Variants in MT1B observed in about 807,000 individuals in gnomAD.
MT1B encodes the protein metallothionein-1B.
A neutral mutation model predicts 7.9 loss-of-function variants in MT1B; 4 were observed. That is an observed-to-expected ratio of 0.51 (90% confidence interval 0.25 to 1.16). MT1B has a LOEUF of 1.16. MT1B is among the 50% of genes most tolerant of loss of function. MT1B has a pLI of 0.15. For synonymous variants in MT1B, 22 were observed against 27.6 expected (o/e 0.80, Z 0.63); for missense variants, 76 against 75.2 (o/e 1.01, Z -0.04).
chr16:56,653,020 C>A lies in MT1B; in HGVS notation c.141C>A (p.Gly47=), dbSNP rs140865852. The A allele has an allele frequency of 6.8e-5, 110 of 1,613,746 alleles. No individual in the cohort carries two copies. In the African/African-American group the frequency reaches 1.1e-3, roughly 17 times the overall value. ...TGGGCTGTGCCAAGTGTGCCCAGGG[C>A]TGTGTCTGCAAAGGCTCATCAGAGA... ...CPVGCAKCAQ[G]CVCKGSSEKC... is the part of the protein sequence containing the mutation. Residue 47 remains glycine (G), a synonymous_variant, in exon 3 of 3, where the codon GGC becomes GGA. Transcript: ENST00000334346.
At chr16:56,652,421 G>A in intron 1 of MT1B, 150 bp from the exon 2 acceptor site, 1 of 786,532 alleles carries the variant, frequency 1.3e-6, no homozygotes, top group Non-Finnish European at 2.2e-6. Flanking sequence ...GAGTGGAGAG[G>A]ACATGGGGCT....
Position 56,652,610 on chromosome 16 carries a change from A to G in MT1B, c.68A>G (p.Glu23Gly). ...TGCGCCGGCTCCTGCAAGTGCAAAG[A>G]GTGCAAATGTACCTCCTGCAAGAAG... ...CACAGSCKCK[E>G]CKCTSCKKCC... is the part of the protein sequence containing the mutation. Residue 23 changes from glutamate (E) to glycine (G), a missense_variant, in exon 2 of 3, where the codon GAG (glutamate) becomes GGG (glycine). Coordinates refer to ENST00000334346, the MANE Select transcript of MT1B (RefSeq NM_005947.3). The G allele has an allele frequency of 1.2e-6, 2 of 1,614,040 alleles. No homozygotes were observed. Among genetic ancestry groups the G allele is most frequent in the Non-Finnish European group, 8.5e-7 (1 of 1,179,932 alleles).
rs370531355 is a variant in MT1B at position 56,652,974 on chromosome 16, G to T, written c.95G>T (p.Cys32Phe). The change falls in exon 3 of 3, where the codon TGC (cysteine) becomes TTC (phenylalanine). Residue 32 changes from cysteine (C) to phenylalanine (F), a missense_variant and splice_region_variant. Coordinates refer to ENST00000334346, the MANE Select transcript of MT1B (RefSeq NM_005947.3). ...CTCTCACTCTCCCCTTCTTCCCCAG[G>T]CTGCTGCTCTTGCTGCCCCGTGGGC... The part of the protein sequence containing the change: ...KECKCTSCKK[C>F]CCSCCPVGCA... 2.3e-4 allele frequency: 373 copies of T among 1,613,074 alleles called. 2 individuals carry two copies. In the East Asian group the frequency reaches 7.9e-3, roughly 34 times the overall value.
chr16:56,651,972 T>A lies in MT1B; in HGVS notation c.19T>A (p.Cys7Ser). 6.2e-7 allele frequency: 1 copy of A among 1,614,248 alleles called. No individual in the cohort carries two copies. Among genetic ancestry groups the A allele is most frequent in the Non-Finnish European group, 8.5e-7 (1 of 1,180,036 alleles). ...GCTCCAAATGGATCCCAACTGCTCC[T>A]GCACCACAGGTAAGGGACGCCTGGC... MDPNCS[C>S]TTGGSCACAG... is the part of the protein sequence containing the mutation. The change falls in exon 1 of 3, where the codon TGC becomes AGC. Residue 7 changes from cysteine (C) to serine (S), a missense_variant. Transcript: ENST00000334346.
Position 56,652,975 on chromosome 16 carries a change from C to G in MT1B, c.96C>G (p.Cys32Trp). 6.2e-7 allele frequency: 1 copy of G among 1,613,160 alleles called. No individual in the cohort carries two copies. The highest frequency in any genetic ancestry group is 8.5e-7 in the Non-Finnish European group (1 of 1,179,984). Residue 32 changes from cysteine to tryptophan, a missense_variant and splice_region_variant, in exon 3 of 3, where the codon TGC (cysteine) becomes TGG (tryptophan). By Grantham distance (215) the Cys-to-Trp change is radical (BLOSUM62 -2). Transcript: ENST00000334346. ...KECKCTSCKK[C>W]CCSCCPVGCA... ...TCTCACTCTCCCCTTCTTCCCCAGG[C>G]TGCTGCTCTTGCTGCCCCGTGGGCT...
chr16:56,652,940 A>C, intron 2 of MT1B, 34 bp from the exon 3 acceptor site: 1 of 1,606,442 alleles, frequency 6.2e-7, no homozygotes, highest in South Asian at 1.1e-5. Flanking sequence ...TGGTCAAGTC[A>C]GCTGTGACCT....
chr16:56,652,873 C>T (rs1446031499), intron 2 of MT1B, 101 bp from the exon 3 acceptor site: 10 of 1,372,300 alleles, frequency 7.3e-6, no homozygotes, highest in South Asian at 2.3e-5. Flanking sequence ...AAAAATGCAT[C>T]CTCTGGGTGT....
intron 2 of MT1B, 149 bp from the exon 3 acceptor site, chr16:56,652,825 A>T (rs1169280541): frequency 1.2e-5 from 14 of 1,160,446 alleles, no homozygotes; most frequent in Non-Finnish European, 1.8e-5. Flanking sequence ...TGGGACACAA[A>T]CCTCAAATGT....
chr16:56,652,430 C>A, intron 1 of MT1B, 141 bp from the exon 2 acceptor site: 1 of 828,502 alleles, frequency 1.2e-6, no homozygotes, highest in Non-Finnish European at 2.0e-6. Flanking sequence ...GGACATGGGG[C>A]TTCTGTTCCT....
At position 56,653,092 on chromosome 16, in the gene MT1B, T is replaced by C; in HGVS notation, c.*27T>C. 7.4e-6 allele frequency: 12 copies of C among 1,611,632 alleles called. No homozygotes were observed. The highest frequency in any genetic ancestry group is 1.0e-5 in the Non-Finnish European group (12 of 1,178,226). On this transcript the variant is annotated 3_prime_UTR_variant, in exon 3 of 3. Transcript: ENST00000334346. ...GTTGGGAGAGCCCTGCTCCCAGACA[T>C]AAATAGAGCAACCAGTACTAACCTG...
chr16:56,652,832 A>G, intron 2 of MT1B, 142 bp from the exon 3 acceptor site: 1 of 1,172,990 alleles, frequency 8.5e-7, no homozygotes, highest in Non-Finnish European at 1.3e-6. Flanking sequence ...CAAACCTCAA[A>G]TGTACCATCA....
In MT1B at chr16:56,651,915, A is replaced by G; in HGVS notation, c.-39A>G. On this transcript the variant is annotated 5_prime_UTR_variant, in exon 1 of 3. Transcript: ENST00000334346. ...CACCTTCCTCCTGCCCTGACTTCTC[A>G]TATCTTGCCTAGGAACTCCAGGCTT... 1.2e-6 allele frequency: 2 copies of G among 1,613,536 alleles called. No individual in the cohort carries two copies. Among genetic ancestry groups the G allele is most frequent in the East Asian group, 2.2e-5 (1 of 44,876 alleles).
In MT1B at chr16:56,653,024, G is replaced by A. The variant is rs767359592; in HGVS notation, c.145G>A (p.Val49Ile). The A allele has an allele frequency of 6.2e-7, 1 of 1,613,790 alleles. No individual in the cohort carries two copies. Among genetic ancestry groups the A allele is most frequent in the Admixed American group, 1.7e-5 (1 of 60,024 alleles). ...CTGTGCCAAGTGTGCCCAGGGCTGT[G>A]TCTGCAAAGGCTCATCAGAGAAGTG... is the stretch of plus-strand genomic sequence containing the variant. ...VGCAKCAQGC[V>I]CKGSSEKCRC... The change falls in exon 3 of 3, where the codon GTC (valine) becomes ATC (isoleucine). Residue 49 changes from valine to isoleucine, a missense_variant. Val to Ile is a conservative substitution (Grantham distance 29). Transcript: ENST00000334346.
Position 56,651,992 on chromosome 16 carries a change from C to A in MT1B, c.28+11C>A, listed in dbSNP as rs767107682. 2.5e-6 allele frequency: 4 copies of A among 1,614,244 alleles called. No individual in the cohort carries two copies. In the South Asian group the frequency reaches 4.4e-5, roughly 18 times the overall value. On this transcript the variant is annotated intron_variant, in intron 1 of 2. Transcript: ENST00000334346. ...GCTCCTGCACCACAGGTAAGGGACG[C>A]CTGGCTCTGGGCCTTGAGATGCCCA...
At chr16:56,652,503 C>T (rs1043688223) in intron 1 of MT1B, 68 bp from the exon 2 acceptor site, 1 of 1,470,210 alleles carries the variant, frequency 6.8e-7, no homozygotes, top group Non-Finnish European at 9.5e-7. Flanking sequence ...GCACTGGACA[C>T]TCATGGACTC....
chr16:56,652,091 T>A (rs1960561476), intron 1 of MT1B, 110 bp downstream of exon 1: 2 of 1,355,854 alleles, frequency 1.5e-6, no homozygotes, highest in South Asian at 2.4e-5. Flanking sequence ...AGGGAACTCG[T>A]TTACTTTTGC....
In MT1B at chr16:56,652,874, C is replaced by T. The variant is rs994874531; in HGVS notation, c.95-100C>T. ...AGCTGTGCCAGCCTAAAAATGCATC[C>T]TCTGGGTGTGGGGGCTGAACTTCAG... On this transcript the variant is annotated intron_variant, in intron 2 of 2. Coordinates refer to ENST00000334346, the MANE Select transcript of MT1B (RefSeq NM_005947.3). 2.1e-4 allele frequency: 295 copies of T among 1,380,766 alleles called. 3 individuals are homozygous for T. The highest frequency in any genetic ancestry group is 6.7e-5 in the Admixed American group (4 of 59,452). The allele number at this position is 1,380,766 out of a possible 1,614,324, so 85.5% of individuals were successfully genotyped here. A position where few individuals can be genotyped will look rare whatever the true frequency, so the allele number is the denominator to read the frequency against.
Position 56,653,059 on chromosome 16 carries a change from T to C in MT1B, c.180T>C (p.Cys60=), listed in dbSNP as rs1960575862. ...GCTCATCAGAGAAGTGCCGCTGCTG[T>C]GCCTGATGTTGGGAGAGCCCTGCTC... is the stretch of plus-strand genomic sequence containing the variant. ...CKGSSEKCRC[C]A is the part of the protein sequence containing the mutation. Residue 60 remains cysteine, a synonymous_variant, in exon 3 of 3, where the codon TGT becomes TGC. Coordinates refer to ENST00000334346, the MANE Select transcript of MT1B (RefSeq NM_005947.3). 6.2e-7 allele frequency: 1 copy of C among 1,613,974 alleles called. No individual in the cohort carries two copies. The highest frequency in any genetic ancestry group is 8.5e-7 in the Non-Finnish European group (1 of 1,179,964).
rs751985774 is a variant in MT1B, at chr16:56,653,137, C to T, written c.*72C>T. The T allele has an allele frequency of 7.1e-7, 1 of 1,417,838 alleles. No individual in the cohort carries two copies. The highest frequency in any genetic ancestry group is 1.2e-5 in the South Asian group (1 of 84,200). The allele number at this position is 1,417,838 out of a possible 1,614,324, so 87.8% of individuals were successfully genotyped here. ...AACCTGGATTTTTTTTTTTAACTAC[C>T]CTGACCGGTTTGCTACATTCTTTTT... On this transcript the variant is annotated 3_prime_UTR_variant, in exon 3 of 3. Transcript: ENST00000334346.
Sources: allele counts gnomAD v4.1 joint callset, GRCh38; gene constraint gnomAD v4.1.1; transcripts MANE v1.5; gene names NCBI Gene and HGNC (gene_info 2026-07-23, HGNC 2026-07-21).